EMB: variants seen among roughly 807,000 people sequenced by gnomAD.
EMB encodes embigin.
EMB carries 31 observed loss-of-function variants against 41.4 expected under a neutral mutation model. The observed-to-expected ratio is 0.75, with a 90% confidence interval of 0.56 to 1.01. The LOEUF (loss-of-function observed/expected upper bound fraction) is 1.01. EMB is among the 50% of genes least tolerant of loss of function. The probability of loss-of-function intolerance (pLI) is 0.00; values close to 1 mark genes in which losing one functional copy is unlikely to be tolerated. For synonymous variants in EMB, 137 were observed against 140.4 expected, an observed-to-expected ratio of 0.98 and a Z score of 0.17; for missense variants, 379 against 388.3, an observed-to-expected ratio of 0.98 and a Z score of 0.20.
At chr5:50,406,766 C>T (rs1967289) in intron 4 of EMB, among the ~76,000 whole-genome samples, 52,714 of 151,514 alleles carry the variant, frequency 0.35, 9,526 homozygotes, top group East Asian at 0.45. Flanking sequence ...TGTGTGTGTG[C>T]GCACATGCGT....
chr5:50,415,867 T>G (rs1745421787), intron 2 of EMB, among the ~76,000 whole-genome samples: 1 of 152,220 alleles, frequency 6.6e-6, no homozygotes, highest in Non-Finnish European at 1.5e-5. Flanking sequence ...ATGTACAGTG[T>G]AGCTATATAC....
At chr5:50,412,330 C>A (rs1324234487) in intron 2 of EMB, among the ~76,000 whole-genome samples, 1 of 151,798 alleles carries the variant, frequency 6.6e-6, no homozygotes, top group Non-Finnish European at 1.5e-5. Context: ...TTATTTTGAG[C>A]AGAAGGCATT....
In EMB at chr5:50,423,831, A is replaced by T. The variant is rs549338202; in HGVS notation, c.196+4313T>A. Among the ~76,000 whole-genome samples the T allele has an allele frequency of 9.7e-4, 147 of 152,292 alleles. 1 individual carries two copies. Among genetic ancestry groups the T allele is most frequent in the Non-Finnish European group, 1.7e-3 (116 of 68,012 alleles). Reference sequence around the variant, plus strand: ...GAAATCTTTGGGGATTTGCAGGTTTAAAAAAATTATTTTTATTCACATTAT... The same window carrying T: ...GAAATCTTTGGGGATTTGCAGGTTTTAAAAAATTATTTTTATTCACATTAT... On this transcript the variant is annotated intron_variant, in intron 2 of 8. Coordinates refer to ENST00000303221, the MANE Select transcript of EMB (RefSeq NM_198449.3).
chr5:50,403,180 GA>G lies in EMB; in HGVS notation c.874del (p.Ser292GlnfsTer13). 6.3e-7 allele frequency: 1 copy of G among 1,586,298 alleles called. No individual in the cohort carries two copies. On this transcript the variant is annotated frameshift_variant, in exon 6 of 9. Coordinates refer to ENST00000303221, the MANE Select transcript of EMB (RefSeq NM_198449.3). LOFTEE classifies it high-confidence loss of function. ...EKYTQKKKKHSDEGKEFEQIE... is the reference protein window; with the variant it reads ...EKYTQKKKKHXDEGKEFEQIE... Reference sequence around the variant, plus strand: ...AAAACAAAAAAAAGAAATCCCACCTGAGTGCTTCTTTTTCTTTTGTGTGTAC... The same window carrying G: ...AAAACAAAAAAAAGAAATCCCACCTGGTGCTTCTTTTTCTTTTGTGTGTAC...
At chr5:50,436,722 G>A (rs1228963076) in intron 1 of EMB, among the ~76,000 whole-genome samples, 3 of 152,144 alleles carry the variant, frequency 2.0e-5, no homozygotes, top group Non-Finnish European at 2.9e-5. Context: ...TCCTTACCAG[G>A]GTCAGCCTCA....
intron 2 of EMB, among the ~76,000 whole-genome samples, chr5:50,420,374 T>C (rs1745498402): frequency 2.0e-5 from 3 of 152,156 alleles, no homozygotes; most frequent in Admixed American, 2.0e-4. Flanking sequence ...TATTTAGTCT[T>C]ACAATGGTTT....
chr5:50,436,090 A>T (rs898220618), intron 1 of EMB, among the ~76,000 whole-genome samples: 1 of 152,168 alleles, frequency 6.6e-6, no homozygotes, highest in African/African-American at 2.4e-5. Flanking sequence ...GGTGCTAAGT[A>T]TACTCATCAC....
chr5:50,402,298 T>A lies in EMB; in HGVS notation c.899A>T (p.Gln300Leu), dbSNP rs1745175476. Residue 300 changes from glutamine to leucine, a missense_variant, in exon 7 of 9, where the codon CAG (glutamine) becomes CTG (leucine). Physicochemically the swap from Gln to Leu is moderately radical, Grantham distance 113. Coordinates refer to ENST00000303221, the MANE Select transcript of EMB (RefSeq NM_198449.3). ...AAATAATACTTACAGCTGTTCAATCTGCTCAAATTCTTTCCCCTCATCTGT... is the reference window on the plus strand; with the variant it reads ...AAATAATACTTACAGCTGTTCAATCAGCTCAAATTCTTTCCCCTCATCTGT... ...KHSDEGKEFE[Q>L]IEQLKSDDSN... 6.2e-7 allele frequency: 1 copy of A among 1,610,118 alleles called. No homozygotes were observed. The highest frequency in any genetic ancestry group is 8.5e-7 in the Non-Finnish European group (1 of 1,177,310).
intron 2 of EMB, among the ~76,000 whole-genome samples, chr5:50,419,946 G>A (rs1201490842): frequency 5.3e-5 from 8 of 152,022 alleles, no homozygotes; most frequent in Admixed American, 1.3e-4. Context: ...ACCAAATACC[G>A]CATGTTCTCA....
At position 50,397,319 on chromosome 5, in the gene EMB, G is replaced by A. The variant is rs1336738223; in HGVS notation, c.*1954C>T. 1 of 152,058 alleles carries A rather than the reference G, an allele frequency of 6.6e-6. No individual in the cohort carries two copies. Among genetic ancestry groups the A allele is most frequent in the Non-Finnish European group, 1.5e-5 (1 of 67,980 alleles). The allele number at this position is 152,058 out of a possible 1,614,324, so 9.4% of individuals were successfully genotyped here. ...AAGCCAAAAGTCAACTTTAATTTTT[G>A]AGTACTTTTCCTATTTAAGGTTACT... is the stretch of plus-strand genomic sequence containing the variant. On this transcript the variant is annotated 3_prime_UTR_variant, in exon 9 of 9. Coordinates refer to ENST00000303221, the MANE Select transcript of EMB (RefSeq NM_198449.3).
upstream of EMB, among the ~76,000 whole-genome samples, chr5:50,442,202 G>C (rs1259928254): frequency 1.4e-5 from 2 of 148,072 alleles, no homozygotes; most frequent in Non-Finnish European, 3.0e-5. Context: ...AAATATATCG[G>C]CGTTAAAAAA....
chr5:50,417,910 G>A (rs886982792), intron 2 of EMB, among the ~76,000 whole-genome samples: 11 of 152,324 alleles, frequency 7.2e-5, no homozygotes, highest in African/African-American at 2.6e-4. Flanking sequence ...AAGAGGAGAT[G>A]CTAGTTGAAT....
At chr5:50,430,507 T>G (rs1745702899) in intron 1 of EMB, among the ~76,000 whole-genome samples, 1 of 152,172 alleles carries the variant, frequency 6.6e-6, no homozygotes. Context: ...CAGTATCTCA[T>G]GCACACTTGG....
At chr5:50,434,551 C>A (rs536452955) in intron 1 of EMB, among the ~76,000 whole-genome samples, 1 of 152,294 alleles carries the variant, frequency 6.6e-6, no homozygotes, top group South Asian at 2.1e-4. Context: ...TATCTCATTG[C>A]TTTTGGCTAA....
At chr5:50,405,164 C>A (rs1326408704) in intron 5 of EMB, among the ~76,000 whole-genome samples, 1 of 151,898 alleles carries the variant, frequency 6.6e-6, no homozygotes, top group Non-Finnish European at 1.5e-5. Flanking sequence ...ATAGCGATTT[C>A]TCTCAGTAAA....
Position 50,398,089 on chromosome 5 carries a change from T to C in EMB, c.*1184A>G, listed in dbSNP as rs1026820859. On this transcript the variant is annotated 3_prime_UTR_variant, in exon 9 of 9. Coordinates refer to ENST00000303221, the MANE Select transcript of EMB (RefSeq NM_198449.3). ...TCTTGGGTTCCACACCACCACTCTT[T>C]GCTTCTGTTCTTAAAGTTGTTGCCC... The C allele has an allele frequency of 5.3e-5, 8 of 151,704 alleles. No individual in the cohort carries two copies. Among genetic ancestry groups the C allele is most frequent in the African/African-American group, 1.2e-4 (5 of 41,320 alleles). 9.4% of individuals were successfully genotyped at this position (151,704 alleles called of 1,614,324 possible).
At chr5:50,401,757 G>A (rs531236346) in intron 7 of EMB, among the ~76,000 whole-genome samples, 3 of 152,026 alleles carry the variant, frequency 2.0e-5, no homozygotes, top group Non-Finnish European at 2.9e-5. Context: ...ATTTTCAACA[G>A]ACAGAGGATC....
At chr5:50,401,973 C>A (rs1373667012) in intron 7 of EMB, among the ~76,000 whole-genome samples, 2 of 151,914 alleles carry the variant, frequency 1.3e-5, no homozygotes, top group African/African-American at 4.8e-5. Flanking sequence ...ACCTTCTGTG[C>A]ACCATAACCT....
chr5:50,421,052 T>C (rs959748545), intron 2 of EMB, among the ~76,000 whole-genome samples: 1 of 152,108 alleles, frequency 6.6e-6, no homozygotes, highest in African/African-American at 2.4e-5. Context: ...ATATCTACAA[T>C]TAAGTTTAAC....
Sources: allele counts gnomAD v4.1 joint callset (sites outside exome capture counted in the v4.1 genomes callset), GRCh38; gene constraint gnomAD v4.1.1; transcripts MANE v1.5; gene names NCBI Gene and HGNC (gene_info 2026-07-23, HGNC 2026-07-21).